Variants in NOL4 observed in about 807,000 individuals in gnomAD.
The protein encoded by NOL4 is nucleolar protein 4.
NOL4 carries 17 observed loss-of-function variants against 75.9 expected under a neutral mutation model. The observed-to-expected ratio is 0.22, with a 90% CI of 0.15 to 0.34. NOL4 has a LOEUF of 0.34. Ranked by LOEUF, NOL4 falls within the 10% of genes least tolerant of loss-of-function variation. NOL4 has a pLI of 1.00. For missense variants in NOL4, 614 were observed against 793.5 expected, an observed-to-expected ratio of 0.77 and a Z score of 2.72; for synonymous variants, 292 against 289.9, an observed-to-expected ratio of 1.01 and a Z score of -0.07.
At chr18:33,988,595 T>C (rs1476338351) in intron 6 of NOL4, among the ~76,000 whole-genome samples, 2 of 151,938 alleles carry the variant, frequency 1.3e-5, no homozygotes, top group African/African-American at 4.8e-5. Flanking sequence ...TACTATAGAT[T>C]TGGAGGCAGT....
rs554511100 is a variant in NOL4, at chr18:33,935,259, G to A, written c.1542+7806C>T. Among the ~76,000 whole-genome samples, 153 of 152,116 alleles carry A rather than the reference G, an allele frequency of 1.0e-3. 1 individual carries two copies. Among genetic ancestry groups the A allele is most frequent in the African/African-American group, 3.5e-3 (145 of 41,500 alleles). ...AGAGGCAGAGCTTTAGGCCCATCTCGGCTTTTCAACATGTGTTCCTCACTA... is the reference window on the plus strand; with the variant it reads ...AGAGGCAGAGCTTTAGGCCCATCTCAGCTTTTCAACATGTGTTCCTCACTA... On this transcript the variant is annotated intron_variant, in intron 9 of 10. Coordinates refer to ENST00000261592, the MANE Select transcript of NOL4 (RefSeq NM_003787.5).
chr18:34,033,436 A>G (rs2144688360), intron 5 of NOL4, among the ~76,000 whole-genome samples: 1 of 152,162 alleles, frequency 6.6e-6, no homozygotes, highest in South Asian at 2.1e-4. Context: ...GCAATAAACT[A>G]GATCAAGCAG....
intron 6 of NOL4, among the ~76,000 whole-genome samples, chr18:34,007,956 T>C (rs1238207638): frequency 6.6e-6 from 1 of 151,984 alleles, no homozygotes; most frequent in Non-Finnish European, 1.5e-5. Flanking sequence ...TGAGATAGCT[T>C]GTAAATATTA....
intron 9 of NOL4, among the ~76,000 whole-genome samples, chr18:33,922,371 A>T (rs924350240): frequency 4.6e-5 from 7 of 152,224 alleles, no homozygotes; most frequent in Non-Finnish European, 1.5e-5. Flanking sequence ...TTCTAGACTT[A>T]AAAATAAAGT....
intron 5 of NOL4, among the ~76,000 whole-genome samples, chr18:34,091,043 G>A (rs1428253919): frequency 6.6e-6 from 1 of 151,858 alleles, no homozygotes; most frequent in Non-Finnish European, 1.5e-5. Flanking sequence ...AATAGGATTA[G>A]GTGCCCTTAT....
At chr18:33,939,909 C>G (rs1326144601) in intron 9 of NOL4, among the ~76,000 whole-genome samples, 1 of 151,846 alleles carries the variant, frequency 6.6e-6, no homozygotes, top group Admixed American at 6.6e-5. Context: ...ACAGACACTT[C>G]TCAGAAGAAG....
In NOL4 at chr18:34,223,535, T is replaced by G. The variant is rs1243613556; in HGVS notation, c.-282A>C. The G allele has an allele frequency of 5.7e-6, 3 of 523,264 alleles. No individual in the cohort carries two copies. The highest frequency in any genetic ancestry group is 1.0e-5 in the Non-Finnish European group (3 of 293,782). 32.4% of individuals were successfully genotyped at this position (523,264 alleles called of 1,614,324 possible). On this transcript the variant is annotated 5_prime_UTR_variant, in exon 1 of 11. Transcript: ENST00000261592. ...TTAGCGGTCGGTCTCTTTAATATTT[T>G]GTGACCAGGACCATCCCAACACCAT...
At chr18:34,106,794 A>G (rs1401465163) in intron 2 of NOL4, among the ~76,000 whole-genome samples, 1 of 152,010 alleles carries the variant, frequency 6.6e-6, no homozygotes, top group Non-Finnish European at 1.5e-5. Context: ...TTATTTCATT[A>G]GAGATCATTA....
intron 5 of NOL4, among the ~76,000 whole-genome samples, chr18:34,024,188 AAAAAAAATATAT>A (rs2075205942): frequency 1.5e-5 from 1 of 64,586 alleles, no homozygotes; most frequent in South Asian, 3.6e-4. Context: ...CAGGAAAAAA[AAAAAAAATATAT>A]ATATATATAT....
intron 1 of NOL4, among the ~76,000 whole-genome samples, chr18:34,146,443 T>C (rs2081394502): frequency 6.6e-6 from 1 of 152,162 alleles, no homozygotes. Flanking sequence ...TTTTCTGCAA[T>C]GGCTAGCCAG....
chr18:33,896,588 T>A (rs1039321483), intron 9 of NOL4, among the ~76,000 whole-genome samples: 1 of 152,048 alleles, frequency 6.6e-6, no homozygotes, highest in Non-Finnish European at 1.5e-5. Flanking sequence ...ATGCAGAAGA[T>A]TGAAGCTGGA....
chr18:33,952,533 A>T (rs1324349361), intron 8 of NOL4, among the ~76,000 whole-genome samples: 1 of 152,236 alleles, frequency 6.6e-6, no homozygotes, highest in African/African-American at 2.4e-5. Context: ...AGAGACTCAG[A>T]AACACCACAC....
intron 5 of NOL4, among the ~76,000 whole-genome samples, chr18:34,084,100 G>A (rs1291761743): frequency 1.3e-5 from 2 of 152,182 alleles, no homozygotes; most frequent in Non-Finnish European, 2.9e-5. Context: ...GCTCCCATAT[G>A]AGGTGTCTGG....
At chr18:33,964,682 T>C (rs2145809084) in intron 6 of NOL4, among the ~76,000 whole-genome samples, 1 of 152,192 alleles carries the variant, frequency 6.6e-6, no homozygotes, top group Admixed American at 6.5e-5. Context: ...AAGATCAACT[T>C]TGGATGTAGG....
chr18:34,122,783 G>A (rs545442728), intron 2 of NOL4, among the ~76,000 whole-genome samples: 1 of 152,102 alleles, frequency 6.6e-6, no homozygotes, highest in East Asian at 1.9e-4. Flanking sequence ...ATTTATACAG[G>A]TGCATACATG....
intron 5 of NOL4, among the ~76,000 whole-genome samples, chr18:34,079,431 T>C (rs2077897706): frequency 6.6e-6 from 1 of 151,900 alleles, no homozygotes; most frequent in Admixed American, 6.6e-5. Context: ...GGAGTGTGTA[T>C]CTGTGAGATT....
intron 9 of NOL4, among the ~76,000 whole-genome samples, chr18:33,886,779 A>ATATATCTATAGATATATCTATATACG (rs2064694309): frequency 6.9e-6 from 1 of 145,120 alleles, no homozygotes; most frequent in Non-Finnish European, 1.5e-5. Flanking sequence ...ATCTATATAT[A>ATATATCTATAGATATATCTATATACG]TATATCTATA....
chr18:33,946,722 T>C (rs528678717), intron 8 of NOL4, among the ~76,000 whole-genome samples: 42 of 151,850 alleles, frequency 2.8e-4, no homozygotes, highest in South Asian at 8.3e-4. Flanking sequence ...CTTTAATATA[T>C]TTTCCTATAA....
chr18:34,199,079 A>G (rs2035544051), intron 1 of NOL4, among the ~76,000 whole-genome samples: 1 of 151,578 alleles, frequency 6.6e-6, no homozygotes, highest in Admixed American at 6.6e-5. Context: ...TAAGTGAGGG[A>G]CTTATGGTTA....
Sources: allele counts gnomAD v4.1 joint callset (sites outside exome capture counted in the v4.1 genomes callset), GRCh38; gene constraint gnomAD v4.1.1; transcripts MANE v1.5; gene names NCBI Gene and HGNC (gene_info 2026-07-23, HGNC 2026-07-21).